KANK1: variants seen among roughly 807,000 people sequenced by gnomAD.
KANK1 encodes the protein KN motif and ankyrin repeat domains 1.
In KANK1, 109 loss-of-function variants were observed where a neutral mutation model predicts 106.2. The ratio of observed to expected loss-of-function variants is 1.03; its 90% CI spans 0.88 to 1.20. KANK1 has a LOEUF of 1.20. Ranked by LOEUF, KANK1 falls within the 50% of genes most tolerant of loss-of-function variation. KANK1 has a pLI of 0.00. For missense variants in KANK1, 2,399 were observed against 1,710.7 expected, an observed-to-expected ratio of 1.40 and a Z score of -7.10; for synonymous variants, 873 against 652.2, an observed-to-expected ratio of 1.34 and a Z score of -5.16.
chr9:556,858 C>T (rs897136071), intron 1 of KANK1, among the ~76,000 whole-genome samples: 3 of 152,140 alleles, frequency 2.0e-5, no homozygotes, highest in Non-Finnish European at 4.4e-5. Context: ...TCCTCCCTGC[C>T]TTAGTCCCAG....
rs763629960 is a variant in KANK1, at chr9:712,749, C to T, written c.1983C>T (p.Ala661=). The change falls in exon 3 of 12, where the codon GCC becomes GCT. Residue 661 remains alanine, a synonymous_variant. Transcript: ENST00000382297. ...NTEAVSQVEA[A]VMAVPRTADQ... is the part of the protein sequence containing the mutation. ...AGGCTGTTAGCCAGGTGGAAGCTGCCGTCATGGCAGTGCCTCGTACTGCAG... is the reference window on the plus strand; with the variant it reads ...AGGCTGTTAGCCAGGTGGAAGCTGCTGTCATGGCAGTGCCTCGTACTGCAG... 6.2e-6 allele frequency: 10 copies of T among 1,613,740 alleles called. No homozygotes were observed. The South Asian group carries it at 6.6e-5, about 11-fold the overall frequency.
chr9:549,003 G>A (rs149560522), intron 1 of KANK1: 26 of 152,062 alleles, frequency 1.7e-4, no homozygotes, highest in African/African-American at 4.3e-4. Flanking sequence ...AACTATCATT[G>A]CATGAAATTA....
rs569304303 is a variant in KANK1 at position 717,940 on chromosome 9, T to A, written c.2698+4476T>A. ...TCTCATACTGAAAAGACCTGCTTTT[T>A]AAAATCAGCTTCCGTATTTATACTC... is the stretch of plus-strand genomic sequence containing the variant. On this transcript the variant is annotated intron_variant, in intron 3 of 11. Coordinates refer to ENST00000382297, the MANE Select transcript of KANK1 (RefSeq NM_015158.5). 1.8e-4 allele frequency among the ~76,000 whole-genome samples: 28 copies of A among 152,278 alleles called. No individual in the cohort carries two copies. In the South Asian group the frequency reaches 5.4e-3, roughly 29 times the overall value.
chr9:482,421 A>C (rs2058221492), intron 3 of KANK1, among the ~76,000 whole-genome samples: 1 of 152,218 alleles, frequency 6.6e-6, no homozygotes, highest in Non-Finnish European at 1.5e-5. Context: ...TTGATGGCTT[A>C]CAACGTGCCA....
At position 573,280 on chromosome 9, in the gene KANK1, A is replaced by T. The variant is rs539386461; in HGVS notation, c.-84+68526A>T. Among the ~76,000 whole-genome samples, 242 of 151,690 alleles carry T rather than the reference A, an allele frequency of 1.6e-3. 1 individual carries two copies. Among genetic ancestry groups the T allele is most frequent in the African/African-American group, 3.9e-3 (161 of 41,358 alleles). On this transcript the variant is annotated intron_variant, in intron 1 of 11. Coordinates refer to ENST00000382297, the MANE Select transcript of KANK1 (RefSeq NM_015158.5). Reference sequence around the variant, plus strand: ...ATGAGGATTTATTATTATTATTATTATTTTTTTGAGACAGAGTCTCGCTCT... The same window carrying T: ...ATGAGGATTTATTATTATTATTATTTTTTTTTTGAGACAGAGTCTCGCTCT...
At chr9:733,323 A>T (rs1008963023) in intron 6 of KANK1, 4 of 152,232 alleles carry the variant, frequency 2.6e-5, no homozygotes, top group African/African-American at 4.8e-5. Flanking sequence ...ACTTACCTCT[A>T]TTTAATTTGG....
At chr9:660,130 A>G (rs1314985329) in intron 1 of KANK1, 2 of 400,424 alleles carry the variant, frequency 5.0e-6, no homozygotes, top group East Asian at 1.2e-4. Flanking sequence ...CTACTGTCCA[A>G]GGGACTGCTG....
At chr9:550,918 G>C (rs1341461612) in intron 1 of KANK1, among the ~76,000 whole-genome samples, 5 of 152,042 alleles carry the variant, frequency 3.3e-5, no homozygotes, top group Admixed American at 6.6e-5. Context: ...AGTTTCTCCA[G>C]GAAAAGGCTC....
At chr9:593,512 C>T (rs144296198) in intron 1 of KANK1, among the ~76,000 whole-genome samples, 14 of 147,262 alleles carry the variant, frequency 9.5e-5, no homozygotes, top group Non-Finnish European at 1.5e-4. Flanking sequence ...TGTTATACAC[C>T]TCAGTGGGAT....
At chr9:704,029 A>G (rs1048054282) in intron 2 of KANK1, among the ~76,000 whole-genome samples, 2 of 152,164 alleles carry the variant, frequency 1.3e-5, no homozygotes, top group Admixed American at 1.3e-4. Context: ...TGTTGTTTTT[A>G]TACTTCCTCT....
At chr9:493,554 C>CTTTTTTTT (rs34062799) in intron 3 of KANK1, among the ~76,000 whole-genome samples, 1 of 115,996 alleles carries the variant, frequency 8.6e-6, no homozygotes, top group African/African-American at 3.5e-5. Context: ...GGGTAATTTG[C>CTTTTTTTT]TTTTTTTTTT....
rs142178260 is a variant in KANK1 at position 678,337 on chromosome 9, C to A, written c.37+1328C>A. ...CTTTGCCTGCATTTTCATACTTAAT[C>A]CTCACAATAATCTAATGAGATTAAG... On this transcript the variant is annotated intron_variant, in intron 2 of 11. Transcript: ENST00000382297. Among the ~76,000 whole-genome samples the A allele has an allele frequency of 3.3e-5, 5 of 152,270 alleles. No homozygotes were observed. In the East Asian group the frequency reaches 9.7e-4, roughly 29 times the overall value.
intron 1 of KANK1, among the ~76,000 whole-genome samples, chr9:567,463 G>T (rs1225027955): frequency 6.6e-6 from 1 of 152,206 alleles, no homozygotes; most frequent in East Asian, 1.9e-4. Flanking sequence ...TTTCCCCGAA[G>T]TTAGCTTTGC....
chr9:693,376 G>A, intron 2 of KANK1: 1 of 985,280 alleles, frequency 1.0e-6, no homozygotes, highest in Non-Finnish European at 1.2e-6. Flanking sequence ...GAGTAAGTCA[G>A]CACAAACAAT....
intron 1 of KANK1, among the ~76,000 whole-genome samples, chr9:562,616 A>G (rs1445919426): frequency 6.6e-6 from 1 of 152,186 alleles, no homozygotes; most frequent in African/African-American, 2.4e-5. Context: ...CCTGCATAGG[A>G]GATGAATTAC....
intron 1 of KANK1, among the ~76,000 whole-genome samples, chr9:612,034 T>C (rs1161506171): frequency 2.6e-5 from 4 of 152,224 alleles, no homozygotes; most frequent in Non-Finnish European, 4.4e-5. Flanking sequence ...CTAACTCTTA[T>C]GTGCCCTTGC....
chr9:642,080 G>A (rs1221775789), intron 1 of KANK1, among the ~76,000 whole-genome samples: 3 of 152,166 alleles, frequency 2.0e-5, no homozygotes. Context: ...ACTGGAGATA[G>A]GATGCCCATA....
intron 1 of KANK1, among the ~76,000 whole-genome samples, chr9:611,957 A>C (rs887433602): frequency 6.6e-6 from 1 of 152,134 alleles, no homozygotes; most frequent in African/African-American, 2.4e-5. Context: ...TGACCTTGTG[A>C]TCCGCCAGTC....
intron 3 of KANK1, 149 bp downstream of exon 3, chr9:713,613 G>T: frequency 1.1e-6 from 1 of 874,886 alleles, no homozygotes; most frequent in Non-Finnish European, 1.7e-6. Context: ...TGAAAACTAA[G>T]AATCAAAATC....
Sources: gnomAD v4.1 joint callset for allele counts (sites outside exome capture counted in the v4.1 genomes callset) on GRCh38, gnomAD v4.1.1 for gene constraint, MANE v1.5 for transcripts, NCBI Gene and HGNC (gene_info 2026-07-23, HGNC 2026-07-21) for gene names.